FAM161A: variants seen among roughly 807,000 people sequenced by gnomAD.
FAM161A encodes the protein protein FAM161A.
Under a neutral mutation model 70.9 loss-of-function variants are expected in FAM161A, and 57 were observed. The ratio of observed to expected loss-of-function variants is 0.80; its 90% CI spans 0.65 to 1.00. FAM161A has a LOEUF of 1.00. Ranked by LOEUF, FAM161A falls within the 50% of genes least tolerant of loss-of-function variation. The probability of loss-of-function intolerance (pLI) is 0.00; values close to 1 mark genes in which losing one functional copy is unlikely to be tolerated. For missense variants in FAM161A, 880 were observed against 836.0 expected (o/e 1.05, Z -0.65); for synonymous variants, 299 against 295.7 (o/e 1.01, Z -0.12).
the FAM161A span, among the ~76,000 whole-genome samples, chr2:61,808,270 TA>T: frequency 7.0e-6 from 1 of 143,350 alleles, no homozygotes; most frequent in Non-Finnish European, 1.5e-5. Flanking sequence ...AGATTATTAT[TA>T]TTATTTTTTT....
Position 61,839,781 on chromosome 2 carries a change from T to A in FAM161A, c.1223A>T (p.Asn408Ile), listed in dbSNP as rs747366083. 48 of 1,613,970 alleles carry A rather than the reference T, an allele frequency of 3.0e-5. No homozygotes were observed. The highest frequency in any genetic ancestry group is 3.8e-5 in the Non-Finnish European group (45 of 1,180,016). The change falls in exon 3 of 7, where the codon AAC becomes ATC. Residue 408 changes from asparagine to isoleucine, a missense_variant. Transcript: ENST00000404929. Reference protein sequence around the residue: ...LPCRSACGCRNPRCPEQAVKL... With the variant: ...LPCRSACGCRIPRCPEQAVKL... The stretch of plus-strand genomic sequence containing the variant: ...TACAGCCTGTTCAGGACACCTGGGG[T>A]TCCTGCATCCACAAGCTGACCTACA...
chr2:61,836,176 C>T (rs1240601438), intron 4 of FAM161A, 67 bp from the exon 5 acceptor site: 24 of 1,067,926 alleles, frequency 2.2e-5, no homozygotes, highest in Non-Finnish European at 3.4e-5. Context: ...ACATATGTAA[C>T]ATTTAACTTA....
rs1672453955 is a variant in FAM161A at position 61,828,390 on chromosome 2, G to A, written c.1852-1132C>T. 2.0e-5 allele frequency among the ~76,000 whole-genome samples: 3 copies of A among 151,564 alleles called. No homozygotes were observed. In the South Asian group the frequency reaches 6.2e-4, roughly 32 times the overall value. On this transcript the variant is annotated intron_variant, in intron 5 of 6. Transcript: ENST00000404929. ...GTCACCCAGGCTGGAGTGCAGTGGT[G>A]CAAACACAACTCACTGCAGCCTCAA...
At chr2:61,848,302 T>C in intron 1 of FAM161A, among the ~76,000 whole-genome samples, 1 of 152,222 alleles carries the variant, frequency 6.6e-6, no homozygotes, top group Non-Finnish European at 1.5e-5. Flanking sequence ...TTCAGCTTAA[T>C]ACTGTTAACG....
At chr2:61,812,930 G>A in the FAM161A span, among the ~76,000 whole-genome samples, 6 of 151,898 alleles carry the variant, frequency 4.0e-5, no homozygotes, top group East Asian at 3.9e-4. Context: ...TTAGCTGGGC[G>A]TGGTGGCAGG....
chr2:61,828,336 C>CT (rs146880732), intron 5 of FAM161A, among the ~76,000 whole-genome samples: 28,438 of 146,100 alleles, frequency 0.19, 2,931 homozygotes, highest in African/African-American at 0.26. Context: ...ATTCTTTTTC[C>CT]TTTTTTTTTT....
chr2:61,822,607 C>CG (rs1672225712), downstream of FAM161A, among the ~76,000 whole-genome samples: 1 of 151,866 alleles, frequency 6.6e-6, no homozygotes, highest in Non-Finnish European at 1.5e-5. Flanking sequence ...TTTTTTGAAA[C>CG]GGGGTTTTCA....
At chr2:61,826,817 ATT>A (rs1230928675) in intron 6 of FAM161A, among the ~76,000 whole-genome samples, 1 of 152,188 alleles carries the variant, frequency 6.6e-6, no homozygotes, top group Non-Finnish European at 1.5e-5. Flanking sequence ...AATTTGAGTG[ATT>A]GTTTCTTTAA....
intron 1 of FAM161A, among the ~76,000 whole-genome samples, chr2:61,847,591 C>G (rs956087685): frequency 1.7e-4 from 26 of 152,026 alleles, no homozygotes; most frequent in African/African-American, 6.3e-4. Context: ...GGTAACACGT[C>G]AAGGCCTCAT....
intron 5 of FAM161A, among the ~76,000 whole-genome samples, chr2:61,834,911 T>TGGAGA (rs1672716796): frequency 2.6e-5 from 4 of 152,176 alleles, no homozygotes; most frequent in Non-Finnish European, 5.9e-5. Context: ...AGATAATGTC[T>TGGAGA]TTGAGCCAAA....
rs181639475 is a variant in FAM161A, at chr2:61,827,541, C to T, written c.1852-283G>A. On this transcript the variant is annotated intron_variant, in intron 5 of 6. Transcript: ENST00000404929. ...AGGAGAATGGCGTGAACCTGGGAGG[C>T]GGAGCTTGCAGTGAGCCGAGATCGC... Among the ~76,000 whole-genome samples, 4 of 140,224 alleles carry T rather than the reference C, an allele frequency of 2.9e-5. No homozygotes were observed. The East Asian group carries it at 6.4e-4, about 23-fold the overall frequency. 92.0% of individuals were successfully genotyped at this position (140,224 alleles called of 152,430 possible).
chr2:61,809,338 C>A, the FAM161A span, among the ~76,000 whole-genome samples: 1 of 152,176 alleles, frequency 6.6e-6, no homozygotes, highest in African/African-American at 2.4e-5. Flanking sequence ...TTTCTACACA[C>A]ATTCCTTATA....
rs749749731 is a variant in FAM161A at position 61,839,503 on chromosome 2, A to G, written c.1501T>C (p.Cys501Arg). ...LSPRRKSPVR[C>R]AGVNPVPCNC... ...CAAGGCACAGGGTTTACACCTGCACATCTTACTGGTGACTTACGCCTTGGA... is the reference window on the plus strand; with the variant it reads ...CAAGGCACAGGGTTTACACCTGCACGTCTTACTGGTGACTTACGCCTTGGA... Residue 501 changes from cysteine to arginine, a missense_variant, in exon 3 of 7, where the codon TGT becomes CGT. Transcript: ENST00000404929. 3.1e-6 allele frequency: 5 copies of G among 1,613,830 alleles called. No homozygotes were observed. In the Admixed American group the frequency reaches 6.7e-5, roughly 22 times the overall value.
chr2:61,820,124 G>T (rs1284208518), downstream of FAM161A: 2 of 448,292 alleles, frequency 4.5e-6, no homozygotes, highest in Non-Finnish European at 8.1e-6. Context: ...GTGTTCTGCT[G>T]CATTTAATAG....
intron 5 of FAM161A, among the ~76,000 whole-genome samples, chr2:61,829,511 C>T (rs1047808563): frequency 1.3e-5 from 2 of 152,204 alleles, no homozygotes; most frequent in Admixed American, 6.5e-5. Context: ...AAAAACCCAT[C>T]CAGAGTCTGT....
At chr2:61,851,527 G>T (rs1252398505) in intron 1 of FAM161A, among the ~76,000 whole-genome samples, 1 of 152,130 alleles carries the variant, frequency 6.6e-6, no homozygotes, top group African/African-American at 2.4e-5. Flanking sequence ...TAGAGACCGG[G>T]TTTTGCCATG....
the FAM161A span, among the ~76,000 whole-genome samples, chr2:61,802,065 A>G: frequency 6.6e-6 from 1 of 152,264 alleles, no homozygotes; most frequent in South Asian, 2.1e-4. Flanking sequence ...TTCCTGATCT[A>G]TTCTCTGGGT....
rs973178862 is a variant in FAM161A, at chr2:61,839,647, C to G, written c.1357G>C (p.Val453Leu). The G allele has an allele frequency of 2.1e-5, 34 of 1,614,056 alleles. No individual in the cohort carries two copies. In the Admixed American group the frequency reaches 5.0e-4, roughly 24 times the overall value. ...GCATGAAGATCAAATGGTTTACACA[C>G]TGTTAAGAGTTTTGGAGACTTGTGT... ...SEHKSPKLLT[V>L]CKPFDLHASP... Residue 453 changes from valine to leucine, a missense_variant, in exon 3 of 7, where the codon GTG (valine) becomes CTG (leucine). Val to Leu is a conservative substitution (Grantham distance 32, BLOSUM62 1). Coordinates refer to ENST00000404929, the MANE Select transcript of FAM161A (RefSeq NM_001201543.2).
intron 5 of FAM161A, among the ~76,000 whole-genome samples, chr2:61,835,136 G>A (rs1188358525): frequency 6.6e-6 from 1 of 152,134 alleles, no homozygotes; most frequent in African/African-American, 2.4e-5. Flanking sequence ...TGAGTCACTG[G>A]CAAGTACAGT....
Sources: allele counts gnomAD v4.1 joint callset (sites outside exome capture counted in the v4.1 genomes callset), GRCh38; gene constraint gnomAD v4.1.1; transcripts MANE v1.5; gene names NCBI Gene and HGNC (gene_info 2026-07-23, HGNC 2026-07-21).